CSMD1: variants seen among roughly 807,000 people sequenced by gnomAD.
The protein encoded by CSMD1 is CUB and Sushi multiple domains 1, also known as CUB and sushi domain-containing protein 1.
Under a neutral mutation model 417.5 loss-of-function variants are expected in CSMD1, and 213 were observed. The observed-to-expected ratio is 0.51, with a 90% CI of 0.46 to 0.57. The LOEUF (loss-of-function observed/expected upper bound fraction) is 0.57, where lower values mean the gene tolerates loss of function less well. Among genes scored for constraint, CSMD1 ranks in the 20% least tolerant of loss-of-function variants. CSMD1 has a pLI of 0.00. For missense variants in CSMD1, 6,923 were observed against 4,529.7 expected, an observed-to-expected ratio of 1.53 and a Z score of -15.17; for synonymous variants, 2,862 against 1,736.8, an observed-to-expected ratio of 1.65 and a Z score of -16.11.
chr8:4,145,176 T>G (rs1051509284), intron 3 of CSMD1, among the ~76,000 whole-genome samples: 1 of 151,136 alleles, frequency 6.6e-6, no homozygotes, highest in Non-Finnish European at 1.5e-5. Flanking sequence ...ATTCATTCAA[T>G]TACTAAAACA....
intron 7 of CSMD1, among the ~76,000 whole-genome samples, chr8:3,701,927 G>A (rs1800892720): frequency 2.0e-5 from 3 of 152,044 alleles, no homozygotes; most frequent in Admixed American, 2.0e-4. Flanking sequence ...TAACTGAACT[G>A]TCTCTTTGGA....
rs558676491 is a variant in CSMD1 at position 4,278,084 on chromosome 8, A to G, written c.415+141869T>C. Among the ~76,000 whole-genome samples, 3 of 152,296 alleles carry G rather than the reference A, an allele frequency of 2.0e-5. No homozygotes were observed. In the East Asian group the frequency reaches 5.8e-4, roughly 29 times the overall value. On this transcript the variant is annotated intron_variant, in intron 3 of 69. Transcript: ENST00000635120. ...CTTTAAATACAATAATTAAAATGCT[A>G]CATTTATAAAATCCTTTATGGTTCT... is the stretch of plus-strand genomic sequence containing the variant.
chr8:4,610,919 C>T (rs891961470), intron 2 of CSMD1, among the ~76,000 whole-genome samples: 2 of 152,138 alleles, frequency 1.3e-5, no homozygotes, highest in African/African-American at 4.8e-5. Flanking sequence ...GTTATAATGA[C>T]ATAACTATGT....
intron 10 of CSMD1, among the ~76,000 whole-genome samples, chr8:3,514,858 C>G (rs1797222233): frequency 6.6e-6 from 1 of 151,962 alleles, no homozygotes; most frequent in Non-Finnish European, 1.5e-5. Flanking sequence ...TATCTAATGA[C>G]TTTTTAAAAA....
At chr8:3,603,360 G>C (rs191030914) in intron 8 of CSMD1, among the ~76,000 whole-genome samples, 1 of 152,106 alleles carries the variant, frequency 6.6e-6, no homozygotes, top group Admixed American at 6.5e-5. Context: ...TTTGGACAAT[G>C]GCAGGGGACT....
chr8:4,935,640 T>C (rs1332451530), intron 1 of CSMD1, among the ~76,000 whole-genome samples: 1 of 152,246 alleles, frequency 6.6e-6, no homozygotes, highest in Non-Finnish European at 1.5e-5. Context: ...ATTCACTCTC[T>C]CTCGATGATA....
chr8:4,072,808 G>A (rs1482370435), intron 3 of CSMD1, among the ~76,000 whole-genome samples: 2 of 152,264 alleles, frequency 1.3e-5, no homozygotes, highest in Non-Finnish European at 2.9e-5. Flanking sequence ...GAAGCTCATA[G>A]GTTTCAAGGC....
chr8:3,377,888 C>T (rs932517350), intron 18 of CSMD1, among the ~76,000 whole-genome samples: 1 of 152,108 alleles, frequency 6.6e-6, no homozygotes, highest in Non-Finnish European at 1.5e-5. Flanking sequence ...AAGTTGTAAA[C>T]ACATGTTATA....
intron 4 of CSMD1, among the ~76,000 whole-genome samples, chr8:4,023,831 A>G (rs1796918902): frequency 8.0e-6 from 1 of 125,640 alleles, no homozygotes; most frequent in Non-Finnish European, 1.6e-5. Flanking sequence ...GTTAGCCAGG[A>G]TGGCCTCGAT....
chr8:3,424,101 G>A (rs1488314738), intron 12 of CSMD1, among the ~76,000 whole-genome samples: 1 of 152,030 alleles, frequency 6.6e-6, no homozygotes, highest in East Asian at 1.9e-4. Context: ...TCAATTATAA[G>A]TATGAACACA....
chr8:4,580,893 G>T (rs917307843), intron 2 of CSMD1, among the ~76,000 whole-genome samples: 1 of 152,242 alleles, frequency 6.6e-6, no homozygotes, highest in Admixed American at 6.5e-5. Flanking sequence ...ATTTTTCCCT[G>T]CTATTGTGTT....
At chr8:4,149,384 A>G (rs776031924) in intron 3 of CSMD1, among the ~76,000 whole-genome samples, 17 of 152,200 alleles carry the variant, frequency 1.1e-4, no homozygotes, top group Non-Finnish European at 2.4e-4. Flanking sequence ...TAAAACCAAT[A>G]TATCTTAGGT....
At position 3,638,082 on chromosome 8, in the gene CSMD1, A is replaced by T. The variant is rs571605220; in HGVS notation, c.1010-21285T>A. 1.1e-4 allele frequency among the ~76,000 whole-genome samples: 17 copies of T among 152,238 alleles called. No homozygotes were observed. In the South Asian group the frequency reaches 3.5e-3, roughly 32 times the overall value. On this transcript the variant is annotated intron_variant, in intron 7 of 69. Coordinates refer to ENST00000635120, the MANE Select transcript of CSMD1 (RefSeq NM_033225.6). ...GAGCATGGCTTTTCTAACCACACAC[A>T]GCTATCAAATCAAGGAGCTCAGATT...
At chr8:4,867,270 C>T (rs1283834876) in intron 1 of CSMD1, among the ~76,000 whole-genome samples, 1 of 152,048 alleles carries the variant, frequency 6.6e-6, no homozygotes, top group Non-Finnish European at 1.5e-5. Flanking sequence ...GATAAACACT[C>T]CCTACTCATC....
intron 1 of CSMD1, among the ~76,000 whole-genome samples, chr8:4,856,088 G>A (rs1380877853): frequency 6.6e-6 from 1 of 152,158 alleles, no homozygotes; most frequent in Admixed American, 6.5e-5. Context: ...CTGCAAGCCA[G>A]AAGAGAGTGG....
At chr8:4,934,007 T>TAAAAAAA (rs1004757937) in intron 1 of CSMD1, among the ~76,000 whole-genome samples, 97 of 150,702 alleles carry the variant, frequency 6.4e-4, no homozygotes, top group South Asian at 1.9e-3. Context: ...GCTTTTTTTT[T>TAAAAAAA]AAAAAAAAAT....
chr8:3,324,718 C>T (rs941536626), intron 23 of CSMD1, among the ~76,000 whole-genome samples: 1 of 149,732 alleles, frequency 6.7e-6, no homozygotes, highest in Non-Finnish European at 1.5e-5. Context: ...CCACATCTAA[C>T]CCCAGAGACC....
intron 1 of CSMD1, among the ~76,000 whole-genome samples, chr8:4,648,331 T>G (rs1803668425): frequency 6.6e-6 from 1 of 152,162 alleles, no homozygotes; most frequent in Non-Finnish European, 1.5e-5. Context: ...GTGAGTCACT[T>G]AGGATATAAT....
intron 5 of CSMD1, among the ~76,000 whole-genome samples, chr8:3,972,304 T>A (rs553154957): frequency 6.6e-6 from 1 of 152,340 alleles, no homozygotes; most frequent in Admixed American, 6.5e-5. Context: ...ACCAACACAA[T>A]GTTAGAAATC....
Sources: allele counts gnomAD v4.1 joint callset (sites outside exome capture counted in the v4.1 genomes callset), GRCh38; gene constraint gnomAD v4.1.1; transcripts MANE v1.5; gene names NCBI Gene and HGNC (gene_info 2026-07-23, HGNC 2026-07-21).